CSMD1: variants seen among roughly 807,000 people sequenced by gnomAD.
CSMD1 encodes CUB and Sushi multiple domains 1, also known as CUB and sushi domain-containing protein 1.
In CSMD1, 213 loss-of-function variants were observed where a neutral mutation model predicts 417.5. The observed-to-expected ratio is 0.51, with a 90% CI of 0.46 to 0.57. The LOEUF (loss-of-function observed/expected upper bound fraction) is 0.57. CSMD1 is among the 20% of genes least tolerant of loss of function. The pLI, the probability that CSMD1 is intolerant of heterozygous loss-of-function variation, is 0.00. For synonymous variants in CSMD1, 2,862 were observed against 1,736.8 expected (o/e 1.65, Z -16.11); for missense variants, 6,923 against 4,529.7 (o/e 1.53, Z -15.17).
intron 5 of CSMD1, among the ~76,000 whole-genome samples, chr8:3,991,970 T>C (rs940923573): frequency 2.7e-5 from 4 of 150,858 alleles, no homozygotes; most frequent in African/African-American, 7.3e-5. Flanking sequence ...ATTAAATGTT[T>C]TTTTACAAAA....
intron 5 of CSMD1, among the ~76,000 whole-genome samples, chr8:3,963,130 C>T (rs562851346): frequency 1.3e-5 from 2 of 152,204 alleles, no homozygotes; most frequent in South Asian, 4.1e-4. Context: ...CGGGGTTTTA[C>T]CATGTTGGCT....
chr8:3,695,358 C>CA (rs142382878), intron 7 of CSMD1, among the ~76,000 whole-genome samples: 7,672 of 150,264 alleles, frequency 0.051, 616 homozygotes, highest in African/African-American at 0.17. Flanking sequence ...CAAATAACCA[C>CA]AAAAAAAAAT....
At position 4,776,235 on chromosome 8, in the gene CSMD1, T is replaced by C. The variant is rs186012121; in HGVS notation, c.86-138677A>G. ...AAGTATTTTCACAAAGGCCTAAATA[T>C]AGAGAAACATGGAGTTCATTTCAAG... On this transcript the variant is annotated intron_variant, in intron 1 of 69. Transcript: ENST00000635120. Among the ~76,000 whole-genome samples, 1,261 of 152,192 alleles carry C rather than the reference T, an allele frequency of 8.3e-3. 4 individuals carry two copies. The highest frequency in any genetic ancestry group is 0.013 in the Non-Finnish European group (914 of 68,012).
chr8:4,285,163 C>T (rs1421838440), intron 3 of CSMD1, among the ~76,000 whole-genome samples: 3 of 152,180 alleles, frequency 2.0e-5, no homozygotes, highest in Non-Finnish European at 2.9e-5. Context: ...ACAAGTTTTA[C>T]TCCATGAATT....
chr8:3,332,187 A>G lies in CSMD1; in HGVS notation c.3631+11107T>C, dbSNP rs75434824. Among the ~76,000 whole-genome samples the G allele has an allele frequency of 3.3e-3, 505 of 152,386 alleles. 3 individuals carry two copies. The highest frequency in any genetic ancestry group is 0.012 in the African/African-American group (480 of 41,602). On this transcript the variant is annotated intron_variant, in intron 23 of 69. Transcript: ENST00000635120. ...TCTATTAGATGCACGGATATTATCCAAAACTACTGCTTGATGGCATGAAAA... is the reference window on the plus strand; with the variant it reads ...TCTATTAGATGCACGGATATTATCCGAAACTACTGCTTGATGGCATGAAAA...
rs866863777 is a variant in CSMD1, at chr8:3,441,076, G to C, written c.1561+27636C>G. Among the ~76,000 whole-genome samples the C allele has an allele frequency of 2.6e-5, 4 of 152,276 alleles. No homozygotes were observed. The South Asian group carries it at 8.3e-4, about 32-fold the overall frequency. ...TATGAAACACATAGAGGAGAAAACAGACACCAAGAGAAACATGTGATATGA... is the reference window on the plus strand; with the variant it reads ...TATGAAACACATAGAGGAGAAAACACACACCAAGAGAAACATGTGATATGA... On this transcript the variant is annotated intron_variant, in intron 12 of 69. Coordinates refer to ENST00000635120, the MANE Select transcript of CSMD1 (RefSeq NM_033225.6).
At chr8:4,139,558 T>C (rs1332639318) in intron 3 of CSMD1, among the ~76,000 whole-genome samples, 1 of 151,088 alleles carries the variant, frequency 6.6e-6, no homozygotes, top group Non-Finnish European at 1.5e-5. Flanking sequence ...ACGATCTGCA[T>C]ATAGCTCCCT....
chr8:3,730,216 T>C (rs1802762558), intron 6 of CSMD1, among the ~76,000 whole-genome samples: 1 of 152,074 alleles, frequency 6.6e-6, no homozygotes, highest in Non-Finnish European at 1.5e-5. Context: ...AGGCTTCCAG[T>C]TTGATTCCCC....
At chr8:4,258,805 A>C (rs1378154142) in intron 3 of CSMD1, among the ~76,000 whole-genome samples, 2 of 152,082 alleles carry the variant, frequency 1.3e-5, no homozygotes, top group East Asian at 3.9e-4. Context: ...AGGCAACTCT[A>C]AGGGCACAGC....
intron 3 of CSMD1, among the ~76,000 whole-genome samples, chr8:4,199,110 C>T (rs551989332): frequency 9.8e-5 from 15 of 152,290 alleles, no homozygotes; most frequent in South Asian, 2.1e-4. Context: ...TGAGCTTCTG[C>T]TGTCCGTAAA....
intron 12 of CSMD1, among the ~76,000 whole-genome samples, chr8:3,444,310 C>A (rs1250875254): frequency 6.6e-6 from 1 of 152,138 alleles, no homozygotes; most frequent in African/African-American, 2.4e-5. Flanking sequence ...CTATCATCGA[C>A]TCAGGAGTCA....
chr8:4,625,959 A>G (rs1802081681), intron 2 of CSMD1, among the ~76,000 whole-genome samples: 3 of 152,040 alleles, frequency 2.0e-5, no homozygotes, highest in Admixed American at 2.0e-4. Context: ...CCTGACCTCT[A>G]GTGATCTGCC....
intron 7 of CSMD1, among the ~76,000 whole-genome samples, chr8:3,617,575 G>A (rs941395615): frequency 1.7e-4 from 26 of 152,142 alleles, no homozygotes; most frequent in African/African-American, 5.1e-4. Flanking sequence ...AACATTACAG[G>A]ATGCTAATAA....
At chr8:4,969,073 G>A (rs147181798) in intron 1 of CSMD1, among the ~76,000 whole-genome samples, 3 of 152,290 alleles carry the variant, frequency 2.0e-5, no homozygotes, top group African/African-American at 7.2e-5. Flanking sequence ...TGTAGGTAAA[G>A]TGTTGACAGC....
At chr8:3,976,404 C>G (rs937568371) in intron 5 of CSMD1, among the ~76,000 whole-genome samples, 1 of 152,130 alleles carries the variant, frequency 6.6e-6, no homozygotes, top group African/African-American at 2.4e-5. Flanking sequence ...GCTGCTTCTT[C>G]TACTAGCATG....
intron 3 of CSMD1, among the ~76,000 whole-genome samples, chr8:4,066,378 G>A (rs539571168): frequency 7.9e-5 from 12 of 152,254 alleles, no homozygotes; most frequent in South Asian, 2.1e-4. Context: ...CCCACTCAGC[G>A]CAGGGATGTT....
intron 2 of CSMD1, among the ~76,000 whole-genome samples, chr8:4,576,057 C>A (rs562889165): frequency 3.8e-4 from 58 of 152,358 alleles, no homozygotes; most frequent in African/African-American, 1.0e-3. Flanking sequence ...AACATCCACT[C>A]TTCTCTCACC....
chr8:3,758,006 C>G (rs1797760024), intron 5 of CSMD1, among the ~76,000 whole-genome samples: 1 of 152,130 alleles, frequency 6.6e-6, no homozygotes, highest in African/African-American at 2.4e-5. Context: ...CTCTGTCACC[C>G]AGGCTGGACT....
intron 2 of CSMD1, among the ~76,000 whole-genome samples, chr8:4,636,832 T>C (rs1040271268): frequency 5.3e-5 from 8 of 152,286 alleles, no homozygotes; most frequent in South Asian, 4.1e-4. Flanking sequence ...ACTTCTTGCA[T>C]TGAGTGGGGA....
Sources: allele counts gnomAD v4.1 joint callset (sites outside exome capture counted in the v4.1 genomes callset), GRCh38; gene constraint gnomAD v4.1.1; transcripts MANE v1.5; gene names NCBI Gene and HGNC (gene_info 2026-07-23, HGNC 2026-07-21).